MAP7D3: variants seen among roughly 807,000 people sequenced by gnomAD.
The protein encoded by MAP7D3 is MAP7 domain containing 3.
Under a neutral mutation model 62.2 loss-of-function variants are expected in MAP7D3, and 45 were observed. The ratio of observed to expected loss-of-function variants is 0.72; its 90% CI spans 0.57 to 0.93. MAP7D3 has a LOEUF of 0.93. Ranked by LOEUF, MAP7D3 falls within the 40% of genes least tolerant of loss-of-function variation. The pLI is 0.00. For missense variants in MAP7D3, 711 were observed against 683.1 expected (o/e 1.04, Z -0.45); for synonymous variants, 288 against 248.8 (o/e 1.16, Z -1.48).
chrX:136,230,298 T>A, intron 10 of MAP7D3, 87 bp downstream of exon 10: 2 of 543,413 alleles, frequency 3.7e-6, no homozygotes, highest in Non-Finnish European at 6.2e-6. Context: ...GTTCTCTCAA[T>A]TGGGGAATAA....
chrX:136,248,756 A>G (rs2074475102), intron 1 of MAP7D3, among the ~76,000 whole-genome samples: 2 of 112,526 alleles, frequency 1.8e-5, no homozygotes, highest in South Asian at 7.3e-4. Flanking sequence ...AATTCTTACA[A>G]CAATCCTATA....
chrX:136,235,102 C>T (rs2074314731), intron 7 of MAP7D3, among the ~76,000 whole-genome samples: 1 of 111,904 alleles, frequency 8.9e-6, no homozygotes, highest in African/African-American at 3.2e-5. Context: ...CATTCCCCAC[C>T]GTATGAAATT....
rs2074199159 is a variant in MAP7D3, at chrX:136,226,558, T to C, written c.2035-545A>G. Among the ~76,000 whole-genome samples, 6 of 111,887 alleles carry C rather than the reference T, an allele frequency of 5.4e-5. No homozygotes were observed. In the Admixed American group the frequency reaches 5.7e-4, roughly 11 times the overall value. ...GATAGATGAGACATTCTTCAGTTAA[T>C]GATTTTAAACTTGTAGAAGTATGTA... On this transcript the variant is annotated intron_variant, in intron 12 of 18. Coordinates refer to ENST00000316077, the MANE Select transcript of MAP7D3 (RefSeq NM_024597.4).
At chrX:136,243,965 C>T (rs1467433898) in intron 4 of MAP7D3, among the ~76,000 whole-genome samples, 2 of 111,517 alleles carry the variant, frequency 1.8e-5, no homozygotes, top group Non-Finnish European at 3.8e-5. Context: ...ACAGACTCAT[C>T]CCAACAGAGT....
At position 136,244,702 on chromosome X, in the gene MAP7D3, C is replaced by T. The variant is rs62640387; in HGVS notation, c.347G>A (p.Arg116Gln). Residue 116 changes from arginine (R) to glutamine (Q), a missense_variant, in exon 4 of 19, where the codon CGA becomes CAA. Arg to Gln is a conservative substitution (Grantham distance 43). Coordinates refer to ENST00000316077, the MANE Select transcript of MAP7D3 (RefSeq NM_024597.4). ...TCTCCGTTGTTCTTCTTTCTCTTTT[C>T]GCTCCTTCAGCTTTCTCTGTCTTTC... The part of the protein sequence containing the change: ...MEERQRKLKE[R>Q]KEKEEQRRIA... 5.4e-3 allele frequency: 6,518 copies of T among 1,205,939 alleles called. 27 individuals are homozygous for T. Among genetic ancestry groups the T allele is most frequent in the Admixed American group, 8.5e-3 (389 of 45,738 alleles).
chrX:136,218,672 G>T (rs991286810), intron 18 of MAP7D3, among the ~76,000 whole-genome samples, 179 bp from the exon 19 acceptor site: 1 of 111,052 alleles, frequency 9.0e-6, no homozygotes, highest in Non-Finnish European at 1.9e-5. Flanking sequence ...GGCCCAAGGT[G>T]CTTCTCAATT....
intron 7 of MAP7D3, among the ~76,000 whole-genome samples, chrX:136,235,546 C>T (rs780763143): frequency 2.1e-4 from 23 of 111,462 alleles, no homozygotes; most frequent in African/African-American, 7.5e-4. Context: ...GTCAGGAGTT[C>T]AAGACCAGCC....
At chrX:136,214,564 G>C (rs1437534202), downstream of MAP7D3, 1 of 111,998 alleles carries the variant, frequency 8.9e-6, no homozygotes, top group African/African-American at 3.2e-5. Context: ...TCATTTGACA[G>C]ACAAGGAACA....
At chrX:136,239,579 A>G (rs1289675190) in intron 6 of MAP7D3, among the ~76,000 whole-genome samples, 1 of 112,288 alleles carries the variant, frequency 8.9e-6, no homozygotes, top group South Asian at 3.7e-4. Flanking sequence ...CAAGGAAGGC[A>G]ATTATACTTG....
At chrX:136,236,411 T>TTTCAAACA (rs1388004052) in intron 6 of MAP7D3, 72 bp from the exon 7 acceptor site, 118 of 548,137 alleles carry the variant, frequency 2.2e-4, no homozygotes, top group Non-Finnish European at 3.1e-4. Context: ...GATACTCCTT[T>TTTCAAACA]TTCAAACATT....
intron 4 of MAP7D3, among the ~76,000 whole-genome samples, chrX:136,243,089 G>A (rs760602543): frequency 1.6e-3 from 180 of 111,192 alleles, no homozygotes; most frequent in African/African-American, 5.5e-3. Flanking sequence ...TGGAGAGGAA[G>A]CACGTACAAG....
chrX:136,237,171 T>C (rs5930910), intron 6 of MAP7D3, among the ~76,000 whole-genome samples: 52,652 of 110,992 alleles, frequency 0.47, 9,402 homozygotes, highest in East Asian at 0.7. Context: ...ATTTCTCTTT[T>C]GGGGATTTGT....
At position 136,219,482 on chromosome X, in the gene MAP7D3, G is replaced by T; in HGVS notation, c.2579C>A (p.Ser860Tyr). 8.3e-7 allele frequency: 1 copy of T among 1,205,999 alleles called. No individual in the cohort carries two copies. The highest frequency in any genetic ancestry group is 1.1e-6 in the Non-Finnish European group (1 of 890,246). ...TGGCAAGATGTCATGGAATCCTTCA[G>T]ATTTTGTTTGTGCCTGTCAGGAGAA... ...TTSRSSAQTK[S>Y]EGFHDILPKS... The change falls in exon 18 of 19, where the codon TCT becomes TAT. Residue 860 changes from serine (S) to tyrosine (Y), a missense_variant. Coordinates refer to ENST00000316077, the MANE Select transcript of MAP7D3 (RefSeq NM_024597.4).
upstream of MAP7D3, chrX:136,251,448 G>GCGGGC: frequency 7.6e-6 from 6 of 789,021 alleles, no homozygotes; most frequent in Non-Finnish European, 9.2e-6. Flanking sequence ...CGGGCTGCCG[G>GCGGGC]TGGGCGGGGC....
At chrX:136,250,778 GA>G (rs1356007252) in intron 1 of MAP7D3, among the ~76,000 whole-genome samples, 34 of 112,142 alleles carry the variant, frequency 3.0e-4, no homozygotes, top group Non-Finnish European at 3.8e-5. Flanking sequence ...CGGGCTGGGG[GA>G]TAACTCAAAC....
chrX:136,248,425 G>C (rs1221378608), intron 1 of MAP7D3, among the ~76,000 whole-genome samples: 1 of 111,642 alleles, frequency 9.0e-6, no homozygotes, highest in Admixed American at 9.5e-5. Context: ...TTTATGTCTG[G>C]ATATAATAAA....
At chrX:136,247,380 A>G (rs908719341) in intron 1 of MAP7D3, among the ~76,000 whole-genome samples, 3 of 111,938 alleles carry the variant, frequency 2.7e-5, no homozygotes, top group Non-Finnish European at 5.6e-5. Flanking sequence ...ACAGGAAGTA[A>G]GCCCCTGTGA....
In MAP7D3 at chrX:136,232,172, C is replaced by T. The variant is rs749992584; in HGVS notation, c.785G>A (p.Arg262His). 1.7e-5 allele frequency: 21 copies of T among 1,206,532 alleles called. No individual in the cohort carries two copies. The highest frequency in any genetic ancestry group is 5.2e-5 in the African/African-American group (3 of 57,195). The part of the protein sequence containing the change: ...YVMQYVTVPL[R>H]KCTSDELRAV... ...CCTCAATTCGTCGCTAGTACATTTA[C>T]GCAAGGGTACAGTGACATACTGCAT... Residue 262 changes from arginine (R) to histidine (H), a missense_variant, in exon 8 of 19, where the codon CGT becomes CAT. Transcript: ENST00000316077.
intron 13 of MAP7D3, 52 bp from the exon 14 acceptor site, chrX:136,224,932 C>T: frequency 3.5e-6 from 3 of 867,411 alleles, no homozygotes; most frequent in Non-Finnish European, 5.1e-6. Flanking sequence ...AGAAACCAAA[C>T]AGTTGTCCTA....
Sources: allele counts gnomAD v4.1 joint callset (sites outside exome capture counted in the v4.1 genomes callset), GRCh38; gene constraint gnomAD v4.1.1; transcripts MANE v1.5; gene names NCBI Gene and HGNC (gene_info 2026-07-23, HGNC 2026-07-21).